Variants in CEP72 observed in about 807,000 individuals in gnomAD.
CEP72 encodes centrosomal protein of 72 kDa.
CEP72 carries 78 observed loss-of-function variants against 65.7 expected under a neutral mutation model. That is an observed-to-expected ratio of 1.19 (90% confidence interval 0.99 to 1.43). The LOEUF is 1.43. Among genes scored for constraint, CEP72 ranks in the 40% most tolerant of loss-of-function variants. The pLI is 0.00. For synonymous variants in CEP72, 358 were observed against 351.7 expected (o/e 1.02, Z -0.20); for missense variants, 914 against 832.9 (o/e 1.10, Z -1.20).
At chr5:649,044 G>A (rs1457213634) in intron 11 of CEP72, among the ~76,000 whole-genome samples, 1 of 149,178 alleles carries the variant, frequency 6.7e-6, no homozygotes, top group Non-Finnish European at 1.5e-5. Context: ...AGGTGTGACT[G>A]TGAGGTGTGA....
chr5:617,370 T>G (rs1387929784), intron 1 of CEP72, among the ~76,000 whole-genome samples: 2 of 152,164 alleles, frequency 1.3e-5, no homozygotes, highest in Non-Finnish European at 2.9e-5. Flanking sequence ...AAACCAAATT[T>G]TAAACTTAAT....
Position 649,758 on chromosome 5 carries a change from TGACTGTGAGGCGTG to T in CEP72, c.1778+1853_1778+1866del, listed in dbSNP as rs1462553343. ...ACTGTGAGGCGTGGACTGTGAGGTGTGACTGTGAGGCGTGGACTGTGAGGTGTGACTGAGGTGTG... is the reference window on the plus strand; with the variant it reads ...ACTGTGAGGCGTGGACTGTGAGGTGTGACTGTGAGGTGTGACTGAGGTGTG... On this transcript the variant is annotated intron_variant, in intron 11 of 11. Transcript: ENST00000264935. Among the ~76,000 whole-genome samples, 3 of 58,032 alleles carry T rather than the reference TGACTGTGAGGCGTG, an allele frequency of 5.2e-5. 1 individual carries two copies. Among genetic ancestry groups the T allele is most frequent in the South Asian group, 6.4e-4 (1 of 1,560 alleles). The allele number at this position is 58,032 out of a possible 152,430, so 38.1% of individuals were successfully genotyped here.
At chr5:631,685 A>T (rs372090663) in intron 4 of CEP72, among the ~76,000 whole-genome samples, 1 of 27,004 alleles carries the variant, frequency 3.7e-5, no homozygotes, top group Non-Finnish European at 6.5e-5. Flanking sequence ...CGGGATTTAG[A>T]CCAGTCCTGG....
At position 633,928 on chromosome 5, in the gene CEP72, C is replaced by T. The variant is rs151111795; in HGVS notation, c.672C>T (p.Ala224=). The T allele has an allele frequency of 4.5e-4, 721 of 1,612,264 alleles. 2 individuals are homozygous for T. The highest frequency in any genetic ancestry group is 2.5e-3 in the African/African-American group (188 of 75,050). Residue 224 remains alanine, a synonymous_variant, in exon 5 of 12, where the codon GCC becomes GCT. Transcript: ENST00000264935. ...STSFSQKGRE[A]DSRGSQESRH... is the part of the protein sequence containing the mutation. The stretch of plus-strand genomic sequence containing the variant: ...GCTTCAGCCAGAAGGGGCGTGAGGC[C>T]GACTCTCGTGGTTCCCAAGGTGCGC...
chr5:665,204 G>A (rs1739845087), exon 3 of CEP72: 2 of 1,613,766 alleles, frequency 1.2e-6, no homozygotes, highest in Admixed American at 3.3e-5. Context: ...CCTTGCCCTT[G>A]CCCTTGCCAG....
At chr5:646,823 C>T (rs373555978) in intron 10 of CEP72, among the ~76,000 whole-genome samples, 1 of 152,226 alleles carries the variant, frequency 6.6e-6, no homozygotes, top group Non-Finnish European at 1.5e-5. Flanking sequence ...ACGGCTGCCT[C>T]ACTCCCGCAG....
intron 5 of CEP72, among the ~76,000 whole-genome samples, chr5:635,069 A>G (rs908028767): frequency 6.6e-6 from 1 of 151,880 alleles, no homozygotes; most frequent in Non-Finnish European, 1.5e-5. Context: ...CTAATTTTGT[A>G]TTGAGACTGT....
intron 1 of CEP72, among the ~76,000 whole-genome samples, chr5:617,635 A>G (rs1709532): frequency 0.6 from 92,028 of 152,200 alleles, 28,043 homozygotes; most frequent in Non-Finnish European, 0.64. Context: ...AAGTGGGGCA[A>G]AACCAGGCAG....
intron 9 of CEP72, chr5:642,450 C>T (rs557374022): frequency 1.2e-5 from 12 of 985,486 alleles, no homozygotes; most frequent in South Asian, 9.4e-5. Flanking sequence ...GTGAGCTGGG[C>T]GCCGTCACTG....
downstream of CEP72, among the ~76,000 whole-genome samples, chr5:670,125 C>T (rs377043944): frequency 6.6e-6 from 1 of 152,274 alleles, no homozygotes; most frequent in East Asian, 1.9e-4. Context: ...GACACTGGGA[C>T]CCGGCCTGGG....
At position 645,322 on chromosome 5, in the gene CEP72, G is replaced by A. The variant is rs1326997183; in HGVS notation, c.1666+897G>A. Reference sequence around the variant, plus strand: ...TTTTATTGGGTTGTTTTATCGAGCGGTAAGAGTTCCTTAGAGTCTTCTTTT... The same window carrying A: ...TTTTATTGGGTTGTTTTATCGAGCGATAAGAGTTCCTTAGAGTCTTCTTTT... On this transcript the variant is annotated intron_variant, in intron 10 of 11. Coordinates refer to ENST00000264935, the MANE Select transcript of CEP72 (RefSeq NM_018140.4). This position sits in a 1 kb window ranked among gnomAD's most constrained non-coding sequence, Gnocchi z 4.0. 6.6e-6 allele frequency among the ~76,000 whole-genome samples: 1 copy of A among 152,094 alleles called. No homozygotes were observed. Among genetic ancestry groups the A allele is most frequent in the East Asian group, 1.9e-4 (1 of 5,198 alleles).
At chr5:642,829 C>T in intron 9 of CEP72, 1 of 985,482 alleles carries the variant, frequency 1.0e-6, no homozygotes. Flanking sequence ...AGGCCCACAT[C>T]TGTCACTCCA....
intron 1 of CEP72, among the ~76,000 whole-genome samples, chr5:616,186 G>A (rs71597654): frequency 6.6e-6 from 1 of 152,010 alleles, no homozygotes; most frequent in South Asian, 2.1e-4. Context: ...AGTTGTCTTA[G>A]GGCAGGTCTG....
downstream of CEP72, among the ~76,000 whole-genome samples, chr5:654,333 CTGTGTGTGCGCGCACGCACCCTG>C (rs1251351875): frequency 4.2e-4 from 63 of 148,808 alleles, no homozygotes; most frequent in Admixed American, 6.7e-4. Context: ...TGTGTGTGCG[CTGTGTGTGCGCGCACGCACCCTG>C]TGTGTGTGCT....
At chr5:642,774 G>A (rs1377100201) in intron 9 of CEP72, 3 of 985,492 alleles carry the variant, frequency 3.0e-6, no homozygotes, top group South Asian at 4.7e-5. Flanking sequence ...CAGGAACCCC[G>A]CGGAGGGAGC....
chr5:663,595 G>A (rs2126859824), intron 2 of CEP72: 1 of 152,542 alleles, frequency 6.6e-6, no homozygotes, highest in South Asian at 2.1e-4. Flanking sequence ...CTTCCACGGA[G>A]CTGTGGCCGC....
chr5:668,157 AC>A (rs1561081881), downstream of CEP72, among the ~76,000 whole-genome samples: 1 of 77,394 alleles, frequency 1.3e-5, no homozygotes, highest in Non-Finnish European at 2.7e-5. Context: ...TCAGGGAAGT[AC>A]CGACAAGCAC....
intron 11 of CEP72, among the ~76,000 whole-genome samples, chr5:649,978 TGACTGTGAGGCGTG>T (rs1738858998): frequency 1.9e-5 from 1 of 53,472 alleles, no homozygotes; most frequent in Admixed American, 2.2e-4. Flanking sequence ...CTGTGAGGTG[TGACTGTGAGGCGTG>T]GACTGTGAGG....
At chr5:648,375 C>T (rs1420668795) in intron 11 of CEP72, among the ~76,000 whole-genome samples, 12 of 109,998 alleles carry the variant, frequency 1.1e-4, no homozygotes, top group African/African-American at 3.6e-4. Flanking sequence ...GGTGTGACCA[C>T]GAGGCATGGA....
Sources: allele counts gnomAD v4.1 joint callset (sites outside exome capture counted in the v4.1 genomes callset), GRCh38; gene constraint gnomAD v4.1.1; non-coding constraint Gnocchi (gnomAD v3.1); transcripts MANE v1.5; gene names NCBI Gene and HGNC (gene_info 2026-07-23, HGNC 2026-07-21).